Variants in LYPLA1 observed in about 807,000 individuals in gnomAD.
LYPLA1 encodes the protein lysophospholipase 1.
LYPLA1 carries 17 observed loss-of-function variants against 34.0 expected under a neutral mutation model. The observed-to-expected ratio is 0.50, with a 90% CI of 0.34 to 0.75. LYPLA1 has a LOEUF of 0.75. Ranked by LOEUF, LYPLA1 falls within the 30% of genes least tolerant of loss-of-function variation. The pLI, the probability that LYPLA1 is intolerant of heterozygous loss-of-function variation, is 0.01. For synonymous variants in LYPLA1, 98 were observed against 100.8 expected (o/e 0.97, Z 0.17); for missense variants, 203 against 288.8 (o/e 0.70, Z 2.15).
intron 2 of LYPLA1, among the ~76,000 whole-genome samples, chr8:54,072,110 A>C (rs1807519519): frequency 6.6e-6 from 1 of 152,168 alleles, no homozygotes; most frequent in African/African-American, 2.4e-5. Flanking sequence ...ATACTCAACA[A>C]AGCTGACAAA....
intron 2 of LYPLA1, among the ~76,000 whole-genome samples, chr8:54,067,036 G>A (rs1807117200): frequency 6.6e-6 from 1 of 151,886 alleles, no homozygotes; most frequent in African/African-American, 2.4e-5. Flanking sequence ...GGGCGTTTTT[G>A]TGCATTGCCT....
chr8:54,069,485 G>A (rs185212745), intron 2 of LYPLA1, among the ~76,000 whole-genome samples: 58 of 152,134 alleles, frequency 3.8e-4, no homozygotes, highest in Non-Finnish European at 6.9e-4. Flanking sequence ...AGGCCAAGGC[G>A]GGCAGATCCC....
At chr8:54,049,326 T>C (rs1805685819) in intron 8 of LYPLA1, among the ~76,000 whole-genome samples, 1 of 152,228 alleles carries the variant, frequency 6.6e-6, no homozygotes. Context: ...ACCTTCTACT[T>C]GACTGAAAAG....
intron 2 of LYPLA1, among the ~76,000 whole-genome samples, chr8:54,083,693 G>A (rs776958434): frequency 6.6e-6 from 1 of 152,148 alleles, no homozygotes; most frequent in African/African-American, 2.4e-5. Context: ...AATAAAATCT[G>A]AGTTTCATAT....
At chr8:54,087,840 T>C (rs1424806465) in intron 2 of LYPLA1, among the ~76,000 whole-genome samples, 1 of 152,236 alleles carries the variant, frequency 6.6e-6, no homozygotes, top group Non-Finnish European at 1.5e-5. Context: ...TTTTACTTTC[T>C]GCAGAAAGGG....
intron 2 of LYPLA1, among the ~76,000 whole-genome samples, chr8:54,085,177 A>G (rs528335761): frequency 5.9e-5 from 9 of 152,360 alleles, no homozygotes; most frequent in South Asian, 2.1e-4. Flanking sequence ...TGGTTGAGAC[A>G]GGGTTTCGCC....
At chr8:54,098,982 C>T (rs978502787) in intron 2 of LYPLA1, among the ~76,000 whole-genome samples, 2 of 152,166 alleles carry the variant, frequency 1.3e-5, no homozygotes, top group Non-Finnish European at 2.9e-5. Context: ...TCTTTTATCA[C>T]AACAGGTTAA....
chr8:54,098,854 C>T (rs1809891066), intron 2 of LYPLA1, among the ~76,000 whole-genome samples: 3 of 152,144 alleles, frequency 2.0e-5, no homozygotes, highest in Admixed American at 6.6e-5. Flanking sequence ...TATTAAATTG[C>T]CACTTGTCAG....
intron 3 of LYPLA1, among the ~76,000 whole-genome samples, chr8:54,064,344 G>A (rs1017837368): frequency 1.3e-5 from 2 of 152,156 alleles, no homozygotes; most frequent in African/African-American, 2.4e-5. Context: ...ATGAACCCGG[G>A]AGGCAGAGGT....
chr8:54,086,669 C>T lies in LYPLA1; in HGVS notation c.101+14239G>A, dbSNP rs148376239. ...CTTGAGCCCAGGAGTTCAAGACCAG[C>T]CTGTGCAGCATAGTAAGACCCCATC... On this transcript the variant is annotated intron_variant, in intron 2 of 8. Coordinates refer to ENST00000316963, the MANE Select transcript of LYPLA1 (RefSeq NM_006330.4). Among the ~76,000 whole-genome samples the T allele has an allele frequency of 9.1e-3, 1,376 of 151,572 alleles. 16 individuals carry two copies. Among genetic ancestry groups the T allele is most frequent in the South Asian group, 0.016 (75 of 4,768 alleles).
chr8:54,077,643 T>C (rs985769982), intron 2 of LYPLA1, among the ~76,000 whole-genome samples: 1 of 151,960 alleles, frequency 6.6e-6, no homozygotes, highest in Non-Finnish European at 1.5e-5. Flanking sequence ...TAAAAATAAA[T>C]AAATAAATAA....
At chr8:54,077,754 A>G (rs1445799821) in intron 2 of LYPLA1, among the ~76,000 whole-genome samples, 1 of 152,236 alleles carries the variant, frequency 6.6e-6, no homozygotes, top group African/African-American at 2.4e-5. Flanking sequence ...AGATATACAT[A>G]TAATACCATT....
intron 2 of LYPLA1, among the ~76,000 whole-genome samples, chr8:54,092,752 T>C (rs1002164013): frequency 6.6e-6 from 1 of 152,150 alleles, no homozygotes; most frequent in Non-Finnish European, 1.5e-5. Flanking sequence ...GAAGCCAAGG[T>C]GGACAGACTG....
intron 2 of LYPLA1, among the ~76,000 whole-genome samples, chr8:54,085,852 G>GT (rs1194722030): frequency 5.1e-5 from 7 of 137,134 alleles, no homozygotes; most frequent in African/African-American, 1.9e-4. Flanking sequence ...CGTCCGCGAG[G>GT]TGGGGGGGGC....
At chr8:54,085,434 T>C (rs1253966417) in intron 2 of LYPLA1, among the ~76,000 whole-genome samples, 1 of 152,196 alleles carries the variant, frequency 6.6e-6, no homozygotes, top group Non-Finnish European at 1.5e-5. Context: ...GAAGTGTCTC[T>C]GCCCCGCCGC....
intron 2 of LYPLA1, among the ~76,000 whole-genome samples, chr8:54,067,785 T>C (rs1807179227): frequency 6.8e-6 from 1 of 146,348 alleles, no homozygotes; most frequent in Non-Finnish European, 1.5e-5. Context: ...AAGCCCCACC[T>C]CCCGGGCTCA....
chr8:54,062,489 C>CTATTTATTTATT (rs200422693), intron 4 of LYPLA1, among the ~76,000 whole-genome samples, 165 bp from the exon 5 acceptor site: 8,492 of 148,968 alleles, frequency 0.057, 406 homozygotes, highest in South Asian at 0.21. Flanking sequence ...CGAAGTCTCA[C>CTATTTATTTATT]TATTTATTTA....
rs549139734 is a variant in LYPLA1, at chr8:54,078,722, GT to G, written c.102-12910del. On this transcript the variant is annotated intron_variant, in intron 2 of 8. Transcript: ENST00000316963. ...AGGGAAATGAGCTGTTTGCCCTGAG[GT>G]AAGTCTGAAAACATTTGGGAAATCA... Among the ~76,000 whole-genome samples the G allele has an allele frequency of 1.8e-3, 273 of 152,226 alleles. 2 individuals are homozygous for G. Among genetic ancestry groups the G allele is most frequent in the Non-Finnish European group, 1.3e-3 (90 of 68,028 alleles).
intron 6 of LYPLA1, chr8:54,053,257 G>A (rs1056704524): frequency 9.6e-6 from 2 of 208,004 alleles, no homozygotes; most frequent in Non-Finnish European, 2.0e-5. Context: ...ACCACACCCG[G>A]CTAATTTTGT....
Sources: gnomAD v4.1 joint callset for allele counts (sites outside exome capture counted in the v4.1 genomes callset) on GRCh38, gnomAD v4.1.1 for gene constraint, MANE v1.5 for transcripts, NCBI Gene and HGNC (gene_info 2026-07-23, HGNC 2026-07-21) for gene names.